SCAF8: variants seen among roughly 807,000 people sequenced by gnomAD.
SCAF8 encodes the protein SR-related and CTD-associated factor 8.
A neutral mutation model predicts 140.5 loss-of-function variants in SCAF8; 23 were observed. The ratio of observed to expected loss-of-function variants is 0.16; its 90% CI spans 0.12 to 0.23. SCAF8 has a LOEUF of 0.23. SCAF8 is among the 10% of genes least tolerant of loss of function. SCAF8 has a pLI of 1.00. For missense variants in SCAF8, 1,397 were observed against 1,555.7 expected, an observed-to-expected ratio of 0.90 and a Z score of 1.72; for synonymous variants, 575 against 528.9, an observed-to-expected ratio of 1.09 and a Z score of -1.20.
At chr6:154,778,876 C>G (rs892026034) in intron 3 of SCAF8, among the ~76,000 whole-genome samples, 2 of 151,288 alleles carry the variant, frequency 1.3e-5, no homozygotes, top group African/African-American at 4.9e-5. Flanking sequence ...GGTTGAATAA[C>G]AAGTATGCTG....
chr6:154,826,398 T>G (rs2114687083), intron 17 of SCAF8, among the ~76,000 whole-genome samples: 1 of 152,306 alleles, frequency 6.6e-6, no homozygotes, highest in Non-Finnish European at 1.5e-5. Context: ...AAAATAAAAT[T>G]AAATATGTGT....
At chr6:154,808,580 A>C in intron 10 of SCAF8, 106 bp from the exon 11 acceptor site, 4 of 720,998 alleles carry the variant, frequency 5.5e-6, no homozygotes, top group Non-Finnish European at 9.7e-6. Flanking sequence ...CCCCTGTATT[A>C]GGCATTAATG....
At chr6:154,744,376 C>CA (rs1249889941) in intron 1 of SCAF8, among the ~76,000 whole-genome samples, 2 of 151,818 alleles carry the variant, frequency 1.3e-5, no homozygotes, top group African/African-American at 4.8e-5. Flanking sequence ...ACTGTGTACT[C>CA]ACAAAAATTA....
intron 8 of SCAF8, 58 bp downstream of exon 8, chr6:154,803,681 T>C (rs1318894839): frequency 5.9e-6 from 6 of 1,014,278 alleles, no homozygotes; most frequent in Non-Finnish European, 7.7e-6. Flanking sequence ...TGTTGCCATC[T>C]GAATTACTAA....
intron 1 of SCAF8, among the ~76,000 whole-genome samples, chr6:154,751,517 C>T (rs1203769669): frequency 3.9e-5 from 6 of 152,054 alleles, no homozygotes; most frequent in South Asian, 4.1e-4. Flanking sequence ...CATGAGCCAT[C>T]GCGCCCGGCC....
chr6:154,802,024 C>A lies in SCAF8; in HGVS notation c.660C>A (p.Ser220=), dbSNP rs1309831606. The part of the protein sequence containing the change: ...LQIQQQKPQP[S]ILQALDAGLV... ...TACAACAACAGAAGCCCCAGCCTTC[C>A]ATTCTGCAGGCCCTAGATGCTGGTC... Residue 220 remains serine, a synonymous_variant, in exon 7 of 20, where the codon TCC becomes TCA. Coordinates refer to ENST00000367178, the MANE Select transcript of SCAF8 (RefSeq NM_014892.5). 6.2e-7 allele frequency: 1 copy of A among 1,611,080 alleles called. No individual in the cohort carries two copies. The highest frequency in any genetic ancestry group is 1.3e-5 in the African/African-American group (1 of 74,872).
intron 1 of SCAF8, among the ~76,000 whole-genome samples, chr6:154,762,686 C>T (rs1776440514): frequency 6.6e-6 from 1 of 151,948 alleles, no homozygotes; most frequent in African/African-American, 2.4e-5. Context: ...TGTGAGCTAC[C>T]ATTTTTATTT....
chr6:154,823,282 G>C (rs1778472705), intron 16 of SCAF8, among the ~76,000 whole-genome samples: 1 of 152,170 alleles, frequency 6.6e-6, no homozygotes, highest in African/African-American at 2.4e-5. Flanking sequence ...GAGCAGAGGA[G>C]TGACTTGATC....
At chr6:154,770,089 C>T (rs1185173375) in intron 1 of SCAF8, among the ~76,000 whole-genome samples, 1 of 152,118 alleles carries the variant, frequency 6.6e-6, no homozygotes, top group Non-Finnish European at 1.5e-5. Flanking sequence ...TATTAAAATT[C>T]CCTGTGAGTT....
chr6:154,817,472 T>G (rs1178142373), intron 13 of SCAF8, among the ~76,000 whole-genome samples: 1 of 152,210 alleles, frequency 6.6e-6, no homozygotes, highest in Admixed American at 6.5e-5. Context: ...TCCACTCATT[T>G]AATTTTGGGG....
intron 12 of SCAF8, among the ~76,000 whole-genome samples, chr6:154,813,029 T>C (rs1430792313): frequency 7.7e-6 from 1 of 130,536 alleles, no homozygotes. Context: ...TGAGATGCCA[T>C]CACTACCGCC....
chr6:154,829,579 T>G lies in SCAF8; in HGVS notation c.2141-1343T>G, dbSNP rs534184086. On this transcript the variant is annotated intron_variant, in intron 18 of 19. Coordinates refer to ENST00000367178, the MANE Select transcript of SCAF8 (RefSeq NM_014892.5). ...ATTATCTAATTCATTTTCCTTGTAT[T>G]CTTAAACTTTTTCTCCCTTTCAGTG... Among the ~76,000 whole-genome samples the G allele has an allele frequency of 3.3e-5, 5 of 152,332 alleles. No individual in the cohort carries two copies. In the East Asian group the frequency reaches 7.7e-4, roughly 24 times the overall value.
chr6:154,820,480 C>A, intron 15 of SCAF8, 147 bp downstream of exon 15: 2 of 618,166 alleles, frequency 3.2e-6, no homozygotes, highest in Non-Finnish European at 5.5e-6. Context: ...CCCTAGTGTA[C>A]ATGCTTAATG....
chr6:154,735,668 C>G (rs1227561043), intron 1 of SCAF8, among the ~76,000 whole-genome samples: 1 of 151,902 alleles, frequency 6.6e-6, no homozygotes, highest in Non-Finnish European at 1.5e-5. Context: ...CGCACATCAC[C>G]ACGCCCCGCT....
At chr6:154,768,131 T>C (rs182153325) in intron 1 of SCAF8, among the ~76,000 whole-genome samples, 1 of 152,222 alleles carries the variant, frequency 6.6e-6, no homozygotes, top group Admixed American at 6.5e-5. Flanking sequence ...TTCATGAATT[T>C]CCTTTTCTTT....
chr6:154,818,716 C>T lies in SCAF8; in HGVS notation c.1635+124C>T. On this transcript the variant is annotated intron_variant, in intron 14 of 19. Transcript: ENST00000367178. ...CTTTTATTGGATTATTAGAATGTCTCTGTATTATATTCTTTTTAAATGTTA... is the reference window on the plus strand; with the variant it reads ...CTTTTATTGGATTATTAGAATGTCTTTGTATTATATTCTTTTTAAATGTTA... The T allele has an allele frequency of 2.8e-5, 13 of 467,446 alleles. No individual in the cohort carries two copies. The South Asian group carries it at 5.0e-4, about 18-fold the overall frequency. The allele number at this position is 467,446 out of a possible 1,614,324, so 29.0% of individuals were successfully genotyped here.
chr6:154,781,118 G>A (rs1048354106), intron 3 of SCAF8, among the ~76,000 whole-genome samples: 1 of 152,096 alleles, frequency 6.6e-6, no homozygotes, highest in Non-Finnish European at 1.5e-5. Context: ...TCCTTAAACT[G>A]ATAAGCAACC....
chr6:154,824,277 C>G lies in SCAF8; in HGVS notation c.1970C>G (p.Pro657Arg), dbSNP rs1778500910. ...GTGCCTACAGTTAGTTTAGTCCCAC[C>G]AGCATTTCCTGTGTCGATGCCGGTT... The part of the protein sequence containing the change: ...PAVPTVSLVP[P>R]AFPVSMPVPP... The change falls in exon 17 of 20, where the codon CCA becomes CGA. Residue 657 changes from proline (P) to arginine (R), a missense_variant. Physicochemically the swap from Pro to Arg is moderately radical, Grantham distance 103 (BLOSUM62 -2). This residue lies in a region of SCAF8 where 930 missense variants were observed against 874.6 expected (regional missense o/e 1.06). Coordinates refer to ENST00000367178, the MANE Select transcript of SCAF8 (RefSeq NM_014892.5). 1.9e-6 allele frequency: 3 copies of G among 1,614,060 alleles called. No homozygotes were observed. Among genetic ancestry groups the G allele is most frequent in the Non-Finnish European group, 2.5e-6 (3 of 1,179,920 alleles).
At chr6:154,762,381 C>G (rs1430167373) in intron 1 of SCAF8, among the ~76,000 whole-genome samples, 2 of 152,120 alleles carry the variant, frequency 1.3e-5, no homozygotes, top group Non-Finnish European at 2.9e-5. Flanking sequence ...ACTGAGGTCT[C>G]TTTTTTTGTT....
Sources: allele counts gnomAD v4.1 joint callset (sites outside exome capture counted in the v4.1 genomes callset), GRCh38; gene constraint gnomAD v4.1.1; regional missense constraint gnomAD v4.1.1; transcripts MANE v1.5; gene names NCBI Gene and HGNC (gene_info 2026-07-23, HGNC 2026-07-21).